The following IFT122 variants were observed in gnomAD, a reference collection of about 807,000 sequenced individuals.
The protein encoded by IFT122 is intraflagellar transport protein 122 homolog.
IFT122 carries 118 observed loss-of-function variants against 161.6 expected under a neutral mutation model. The ratio of observed to expected loss-of-function variants is 0.73; its 90% CI spans 0.63 to 0.85. IFT122 has a LOEUF of 0.85. Ranked by LOEUF, IFT122 falls within the 40% of genes least tolerant of loss-of-function variation. The pLI is 0.00. For synonymous variants in IFT122, 550 were observed against 602.4 expected (o/e 0.91, Z 1.27); for missense variants, 1,381 against 1,579.6 (o/e 0.87, Z 2.13).
intron 1 of IFT122, 43 bp downstream of exon 1, chr3:129,440,414 T>A (rs1402904581): frequency 6.5e-7 from 1 of 1,546,070 alleles, no homozygotes; most frequent in South Asian, 1.2e-5. Context: ...GGTCGAGTCC[T>A]CGCGGGGAGT....
intron 26 of IFT122, among the ~76,000 whole-genome samples, chr3:129,516,816 G>GCACA (rs1210937579): frequency 3.6e-5 from 3 of 84,388 alleles, no homozygotes; most frequent in Non-Finnish European, 4.6e-5. Context: ...GACTGCCCCT[G>GCACA]CACACACACA....
Position 129,476,420 on chromosome 3 carries a change from A to G in IFT122, c.922A>G (p.Thr308Ala), listed in dbSNP as rs766979492. Residue 308 changes from threonine (T) to alanine (A), a missense_variant, in exon 10 of 30, where the codon ACC becomes GCC. Physicochemically the swap from Thr to Ala is moderately conservative, Grantham distance 58. Transcript: ENST00000348417. ...TTCAGACAAGCAAGTATCTCTTTTC[A>G]CCAAGGATGGAGTGCGGCTTGGGAC... ...GGSDKQVSLF[T>A]KDGVRLGTVG... 6 of 1,614,036 alleles carry G rather than the reference A, an allele frequency of 3.7e-6. No individual in the cohort carries two copies. Among genetic ancestry groups the G allele is most frequent in the South Asian group, 2.2e-5 (2 of 91,080 alleles).
chr3:129,497,779 T>C (rs2108502428), intron 18 of IFT122, among the ~76,000 whole-genome samples: 1 of 152,354 alleles, frequency 6.6e-6, no homozygotes, highest in South Asian at 2.1e-4. Context: ...AATATGTACC[T>C]ACACATTATG....
intron 5 of IFT122, among the ~76,000 whole-genome samples, chr3:129,462,644 C>T (rs1322980910): frequency 1.3e-5 from 2 of 152,214 alleles, no homozygotes; most frequent in African/African-American, 2.4e-5. Flanking sequence ...TTGGAGGAAG[C>T]GTTCTGGACC....
intron 6 of IFT122, 79 bp from the exon 7 acceptor site, chr3:129,464,556 C>G: frequency 6.4e-7 from 1 of 1,558,408 alleles, no homozygotes. Context: ...TATTTCAAAC[C>G]AAGGCATCAT....
intron 9 of IFT122, among the ~76,000 whole-genome samples, chr3:129,470,605 C>T (rs1291675118): frequency 7.0e-6 from 1 of 143,478 alleles, no homozygotes; most frequent in Non-Finnish European, 1.6e-5. Context: ...GAGTCTCACT[C>T]TGTCGCCTAG....
At chr3:129,514,351 G>A (rs2083210739) in intron 24 of IFT122, 38 bp from the exon 25 acceptor site, 1 of 1,611,664 alleles carries the variant, frequency 6.2e-7, no homozygotes, top group Non-Finnish European at 8.5e-7. Context: ...TCCTGGGCCT[G>A]GTGTTGCCCC....
rs1157789823 is a variant in IFT122, at chr3:129,496,978, G to T, written c.2208+1371G>T. Among the ~76,000 whole-genome samples, 5 of 152,350 alleles carry T rather than the reference G, an allele frequency of 3.3e-5. No homozygotes were observed. In the South Asian group the frequency reaches 1.0e-3, roughly 32 times the overall value. On this transcript the variant is annotated intron_variant, in intron 18 of 29. Coordinates refer to ENST00000348417, the MANE Select transcript of IFT122 (RefSeq NM_052989.3). ...GCCTCCTCAAGGAGGCAGCTGTGCT[G>T]CAGTAGAAAATGCCTGACCAGGCTG...
chr3:129,464,932 A>G (rs2076554747), intron 7 of IFT122, 151 bp downstream of exon 7: 3 of 843,736 alleles, frequency 3.6e-6, no homozygotes, highest in South Asian at 1.5e-5. Flanking sequence ...TTTTTTTTTA[A>G]TAGTCCCGCT....
intron 15 of IFT122, among the ~76,000 whole-genome samples, chr3:129,484,268 A>G (rs777441657): frequency 2.0e-5 from 3 of 152,038 alleles, no homozygotes; most frequent in Non-Finnish European, 4.4e-5. Flanking sequence ...CGAATGCAGG[A>G]TGGTCTCCCC....
In IFT122 at chr3:129,485,438, G is replaced by A. The variant is rs899914073; in HGVS notation, c.1851+1756G>A. On this transcript the variant is annotated intron_variant, in intron 15 of 29. Transcript: ENST00000348417. ...GATCAGCTATTCAAGAAATGTTAGT[G>A]GAATTCAGATCTGAGGAAAAAGACC... Among the ~76,000 whole-genome samples the A allele has an allele frequency of 7.2e-5, 11 of 152,136 alleles. 1 individual carries two copies. The highest frequency in any genetic ancestry group is 3.9e-4 in the East Asian group (2 of 5,194).
In IFT122 at chr3:129,506,391, C is replaced by T. The variant is rs1578053402; in HGVS notation, c.2651-18C>T. The T allele has an allele frequency of 1.9e-6, 3 of 1,612,716 alleles. No individual in the cohort carries two copies. The highest frequency in any genetic ancestry group is 2.2e-5 in the East Asian group (1 of 44,890). On this transcript the variant is annotated intron_variant, in intron 21 of 29. Coordinates refer to ENST00000348417, the MANE Select transcript of IFT122 (RefSeq NM_052989.3). ...CTAAATAGCATGTGCTTTTTTCCTC[C>T]CTCCACCACTCCTACAGCGTTCCAC...
chr3:129,475,335 AG>A (rs758330933), intron 9 of IFT122, among the ~76,000 whole-genome samples: 1 of 152,200 alleles, frequency 6.6e-6, no homozygotes, highest in Non-Finnish European at 1.5e-5. Context: ...TTCCTAAAAA[AG>A]GTTCAACGTA....
At chr3:129,492,235 T>C (rs1446267865) in intron 17 of IFT122, 41 bp downstream of exon 17, 27 of 1,498,848 alleles carry the variant, frequency 1.8e-5, no homozygotes, top group Non-Finnish European at 2.5e-5. Flanking sequence ...AAGGCATACT[T>C]GGGGTTCCTG....
intron 20 of IFT122, chr3:129,503,837 G>A (rs1215940487): frequency 8.5e-6 from 2 of 236,428 alleles, no homozygotes; most frequent in African/African-American, 4.6e-5. Context: ...CATGGCTCAT[G>A]TCCGGTTCTC....
chr3:129,502,621 CA>C, intron 19 of IFT122, 89 bp from the exon 20 acceptor site: 20 of 1,460,476 alleles, frequency 1.4e-5, no homozygotes, highest in Non-Finnish European at 1.9e-5. Context: ...GGCATAGTAT[CA>C]ACACTGGGGA....
intron 9 of IFT122, among the ~76,000 whole-genome samples, chr3:129,475,368 T>C (rs983674529): frequency 3.3e-5 from 5 of 152,104 alleles, no homozygotes; most frequent in African/African-American, 1.2e-4. Flanking sequence ...TAAAAAAATA[T>C]AGGCCAGGAG....
At chr3:129,492,001 C>G in intron 16 of IFT122, 140 bp from the exon 17 acceptor site, 1 of 765,832 alleles carries the variant, frequency 1.3e-6, no homozygotes, top group Non-Finnish European at 2.4e-6. Flanking sequence ...CCTGCACGCA[C>G]GATGATTAAT....
chr3:129,515,140 G>T, intron 25 of IFT122: 1 of 440,202 alleles, frequency 2.3e-6, no homozygotes. Flanking sequence ...GAGGCTAAAT[G>T]AGCCAGTATA....
Sources: gnomAD v4.1 joint callset for allele counts (sites outside exome capture counted in the v4.1 genomes callset) on GRCh38, gnomAD v4.1.1 for gene constraint, MANE v1.5 for transcripts, NCBI Gene and HGNC (gene_info 2026-07-23, HGNC 2026-07-21) for gene names.